The following SLC9C2 variants were observed in gnomAD, a reference collection of about 807,000 sequenced individuals.
SLC9C2 encodes solute carrier family 9 member C2 (putative).
SLC9C2 carries 75 observed loss-of-function variants against 140.2 expected under a neutral mutation model. The ratio of observed to expected loss-of-function variants is 0.53; its 90% confidence interval spans 0.44 to 0.65. The LOEUF is 0.65. Ranked by LOEUF, SLC9C2 falls within the 30% of genes least tolerant of loss-of-function variation. SLC9C2 has a pLI of 0.00. For missense variants in SLC9C2, 1,074 were observed against 1,331.8 expected, an observed-to-expected ratio of 0.81 and a Z score of 3.01; for synonymous variants, 375 against 420.9, an observed-to-expected ratio of 0.89 and a Z score of 1.34.
chr1:173,579,855 T>C (rs1168657236), intron 7 of SLC9C2, among the ~76,000 whole-genome samples: 2 of 152,190 alleles, frequency 1.3e-5, no homozygotes, highest in African/African-American at 2.4e-5. Context: ...ACTTCTAATG[T>C]GGCAATAATG....
chr1:173,581,268 C>T (rs1424778645), intron 7 of SLC9C2, among the ~76,000 whole-genome samples: 5 of 152,170 alleles, frequency 3.3e-5, no homozygotes, highest in African/African-American at 1.2e-4. Flanking sequence ...GGCCAGTAAA[C>T]ACTTAAATCT....
At chr1:173,512,005 G>A (rs1473474928) in intron 23 of SLC9C2, among the ~76,000 whole-genome samples, 1 of 152,044 alleles carries the variant, frequency 6.6e-6, no homozygotes, top group Non-Finnish European at 1.5e-5. Context: ...TGTTCCATTG[G>A]TCCATATGTC....
intron 3 of SLC9C2, among the ~76,000 whole-genome samples, chr1:173,599,362 ATTTTTTTTT>A (rs61579339): frequency 1.6e-3 from 110 of 68,118 alleles, no homozygotes; most frequent in South Asian, 3.2e-3. Context: ...ATTTTCCTTG[ATTTTTTTTT>A]TTTTTTTTTT....
chr1:173,564,496 G>A (rs761476314), intron 9 of SLC9C2, among the ~76,000 whole-genome samples: 18 of 152,172 alleles, frequency 1.2e-4, no homozygotes, highest in Middle Eastern at 3.4e-3. Flanking sequence ...CCATCTGTAC[G>A]TCTTCTTTAG....
intron 9 of SLC9C2, among the ~76,000 whole-genome samples, chr1:173,568,936 A>G (rs1664670537): frequency 6.6e-6 from 1 of 152,152 alleles, no homozygotes. Flanking sequence ...ATTGCTCATT[A>G]ACATCCTTTT....
chr1:173,549,947 T>A (rs957411114), intron 11 of SLC9C2, among the ~76,000 whole-genome samples: 5 of 152,130 alleles, frequency 3.3e-5, no homozygotes, highest in African/African-American at 1.2e-4. Context: ...AACCCACATA[T>A]TTTATCTTAA....
At position 173,583,630 on chromosome 1, in the gene SLC9C2, A is replaced by T; in HGVS notation, c.524-8T>A. On this transcript the variant is annotated splice_region_variant and splice_polypyrimidine_tract_variant and intron_variant, in intron 5 of 27. Coordinates refer to ENST00000367714, the MANE Select transcript of SLC9C2 (RefSeq NM_178527.4). Reference sequence around the variant, plus strand: ...TGTATATTTTAGAAATGCCTGAAAAAGGAAATACAAAATGTAACTCAATAT... The same window carrying T: ...TGTATATTTTAGAAATGCCTGAAAATGGAAATACAAAATGTAACTCAATAT... 1 of 1,412,498 alleles carries T rather than the reference A, an allele frequency of 7.1e-7. No individual in the cohort carries two copies. Among genetic ancestry groups the T allele is most frequent in the East Asian group, 2.3e-5 (1 of 42,820 alleles). The allele number at this position is 1,412,498 out of a possible 1,614,324, so 87.5% of individuals were successfully genotyped here. A position where few individuals can be genotyped will look rare whatever the true frequency, so the allele number is the denominator to read the frequency against.
At chr1:173,592,143 T>C (rs1351628554) in intron 4 of SLC9C2, among the ~76,000 whole-genome samples, 4 of 152,232 alleles carry the variant, frequency 2.6e-5, no homozygotes, top group Non-Finnish European at 5.9e-5. Context: ...CCATTGTTTG[T>C]TTTTATCAGC....
At chr1:173,526,333 C>T (rs1023630807) in intron 19 of SLC9C2, among the ~76,000 whole-genome samples, 1 of 152,178 alleles carries the variant, frequency 6.6e-6, no homozygotes, top group Non-Finnish European at 1.5e-5. Context: ...TTTCTTCTAA[C>T]CTTGAGGACT....
At chr1:173,527,854 C>T (rs1413638120) in intron 18 of SLC9C2, among the ~76,000 whole-genome samples, 2 of 152,168 alleles carry the variant, frequency 1.3e-5, no homozygotes, top group Middle Eastern at 6.8e-3. Flanking sequence ...AGAAAAAAAT[C>T]GCATGTAATG....
At chr1:173,542,142 A>G (rs1450312425) in intron 13 of SLC9C2, among the ~76,000 whole-genome samples, 2 of 152,148 alleles carry the variant, frequency 1.3e-5, no homozygotes, top group African/African-American at 2.4e-5. Flanking sequence ...AGAGAGAAGA[A>G]GCACATAGAT....
chr1:173,524,988 T>G, intron 19 of SLC9C2, 61 bp from the exon 20 acceptor site: 1 of 1,537,486 alleles, frequency 6.5e-7, no homozygotes, highest in Non-Finnish European at 8.9e-7. Context: ...TAACTAATAT[T>G]AGTATAATAC....
intron 10 of SLC9C2, among the ~76,000 whole-genome samples, chr1:173,557,042 G>A (rs1663757142): frequency 6.6e-6 from 1 of 152,078 alleles, no homozygotes; most frequent in Admixed American, 6.5e-5. Context: ...ATTCTCAACT[G>A]AAAGTTGAAG....
At chr1:173,564,806 T>G (rs753859139) in intron 9 of SLC9C2, among the ~76,000 whole-genome samples, 1 of 149,242 alleles carries the variant, frequency 6.7e-6, no homozygotes, top group Non-Finnish European at 1.5e-5. Context: ...CCTGGCTAAT[T>G]TTTTATATTT....
intron 27 of SLC9C2, 75 bp from the exon 28 acceptor site, chr1:173,501,172 C>A: frequency 7.2e-7 from 1 of 1,395,884 alleles, no homozygotes; most frequent in South Asian, 1.6e-5. Context: ...TTAAATGGAA[C>A]CAGAAAACTT....
chr1:173,526,491 G>C (rs1278793039), intron 19 of SLC9C2, among the ~76,000 whole-genome samples, 172 bp downstream of exon 19: 1 of 152,162 alleles, frequency 6.6e-6, no homozygotes, highest in East Asian at 1.9e-4. Flanking sequence ...TTAAGGGTCA[G>C]GATCTACTCA....
At chr1:173,523,944 C>T (rs759811769) in intron 21 of SLC9C2, 25 bp downstream of exon 21, 9 of 1,594,972 alleles carry the variant, frequency 5.6e-6, no homozygotes, top group Admixed American at 5.4e-5. Context: ...CAAACCTGAG[C>T]CAGAATAGAA....
chr1:173,530,109 C>T, intron 17 of SLC9C2, 55 bp from the exon 18 acceptor site: 5 of 1,479,944 alleles, frequency 3.4e-6, no homozygotes, highest in East Asian at 2.3e-5. Context: ...GGAAAAGCAC[C>T]CTCTGAGGCA....
intron 3 of SLC9C2, 21 bp downstream of exon 3, chr1:173,600,096 A>C (rs1666696600): frequency 6.7e-7 from 1 of 1,499,572 alleles, no homozygotes; most frequent in African/African-American, 1.4e-5. Context: ...TTTATTCTCT[A>C]ATTTATTGTA....
Sources: gnomAD v4.1 joint callset for allele counts (sites outside exome capture counted in the v4.1 genomes callset) on GRCh38, gnomAD v4.1.1 for gene constraint, MANE v1.5 for transcripts, NCBI Gene and HGNC (gene_info 2026-07-23, HGNC 2026-07-21) for gene names.